Variants in SNRPB2 observed in about 807,000 individuals in gnomAD.
The protein encoded by SNRPB2 is U2 small nuclear ribonucleoprotein B''.
Under a neutral mutation model 26.3 loss-of-function variants are expected in SNRPB2, and 16 were observed. The observed-to-expected ratio is 0.61, with a 90% CI of 0.41 to 0.92. The LOEUF is 0.92. Ranked by LOEUF, SNRPB2 falls within the 40% of genes least tolerant of loss-of-function variation. The pLI, the probability that SNRPB2 is intolerant of heterozygous loss-of-function variation, is 0.00. For missense variants in SNRPB2, 179 were observed against 268.1 expected (o/e 0.67, Z 2.32); for synonymous variants, 75 against 89.0 (o/e 0.84, Z 0.88).
rs1384450618 is a variant in SNRPB2, at chr20:16,742,363, G to C, written c.*1358G>C. 2 of 152,160 alleles carry C rather than the reference G, an allele frequency of 1.3e-5. No individual in the cohort carries two copies. The highest frequency in any genetic ancestry group is 4.8e-5 in the African/African-American group (2 of 41,440). 9.4% of individuals were successfully genotyped at this position (152,160 alleles called of 1,614,324 possible). ...TGATCCCATGCCCAGTCCTGGCCAT[G>C]CTTTGAGTGGCTGTATTGGAGCAGA... On this transcript the variant is annotated 3_prime_UTR_variant, in exon 7 of 7. Coordinates refer to ENST00000246071, the MANE Select transcript of SNRPB2 (RefSeq NM_003092.5).
intron 3 of SNRPB2, 46 bp from the exon 4 acceptor site, chr20:16,737,215 C>T: frequency 1.3e-6 from 2 of 1,484,006 alleles, no homozygotes; most frequent in Admixed American, 2.3e-5. Flanking sequence ...CTAGTGTAAA[C>T]ATCCTTCAGC....
At chr20:16,736,149 C>G (rs1227431469) in intron 3 of SNRPB2, among the ~76,000 whole-genome samples, 2 of 152,158 alleles carry the variant, frequency 1.3e-5, no homozygotes, top group Non-Finnish European at 2.9e-5. Context: ...CGATGAAATA[C>G]TACTCGCTGT....
rs183264039 is a variant in SNRPB2, at chr20:16,740,699, C to T, written c.519-147C>T. 329 of 684,924 alleles carry T rather than the reference C, an allele frequency of 4.8e-4. 1 individual carries two copies. The highest frequency in any genetic ancestry group is 1.4e-4 in the East Asian group (5 of 36,514). The allele number at this position is 684,924 out of a possible 1,614,324, so 42.4% of individuals were successfully genotyped here. ...CAGTTCTTCCATGGTATTAATTACACATGAGGCTCTTCCGTCTACTCAGTA... is the reference window on the plus strand; with the variant it reads ...CAGTTCTTCCATGGTATTAATTACATATGAGGCTCTTCCGTCTACTCAGTA... On this transcript the variant is annotated intron_variant, in intron 6 of 6. Coordinates refer to ENST00000246071, the MANE Select transcript of SNRPB2 (RefSeq NM_003092.5).
chr20:16,740,566 G>A (rs929515275), intron 6 of SNRPB2, among the ~76,000 whole-genome samples, 153 bp downstream of exon 6: 26 of 152,136 alleles, frequency 1.7e-4, no homozygotes, highest in African/African-American at 5.6e-4. Context: ...CCAATTTGCC[G>A]ATTTAGCAAA....
rs768398131 is a variant in SNRPB2, at chr20:16,737,226, A to G, written c.238-35A>G. On this transcript the variant is annotated intron_variant, in intron 3 of 6. Transcript: ENST00000246071. ...ATGACTAGTGTAAACATCCTTCAGC[A>G]TGAGAAGTAACCTGTTTTCAAATAA... 12 of 1,535,150 alleles carry G rather than the reference A, an allele frequency of 7.8e-6. No individual in the cohort carries two copies. In the South Asian group the frequency reaches 8.8e-5, roughly 11 times the overall value.
intron 4 of SNRPB2, among the ~76,000 whole-genome samples, chr20:16,737,647 T>C (rs2072435262): frequency 6.6e-6 from 1 of 152,234 alleles, no homozygotes; most frequent in Non-Finnish European, 1.5e-5. Context: ...TCGATCATTG[T>C]TTAAAATATG....
chr20:16,739,993 A>G (rs2072452901), intron 5 of SNRPB2, among the ~76,000 whole-genome samples: 3 of 151,282 alleles, frequency 2.0e-5, no homozygotes, highest in South Asian at 4.2e-4. Flanking sequence ...GTAACCAGCT[A>G]CGGAGGGGTG....
At position 16,740,434 on chromosome 20, in the gene SNRPB2, G is replaced by A. The variant is rs766031887; in HGVS notation, c.518+21G>A. On this transcript the variant is annotated intron_variant, in intron 6 of 6. Coordinates refer to ENST00000246071, the MANE Select transcript of SNRPB2 (RefSeq NM_003092.5). ...AATCAGTAAGTTTTTTCATAAATAA[G>A]TCTGTTTCTGAGAGCTTCCTCACAG... The A allele has an allele frequency of 1.6e-5, 25 of 1,608,298 alleles. 1 individual carries two copies. In the South Asian group the frequency reaches 2.6e-4, roughly 17 times the overall value.
At position 16,740,592 on chromosome 20, in the gene SNRPB2, C is replaced by T. The variant is rs1007161379; in HGVS notation, c.518+179C>T. On this transcript the variant is annotated intron_variant, in intron 6 of 6. Transcript: ENST00000246071. ...ATTTAGCAAATACAAAGCTAAATTT[C>T]CTCTAATGTTTGAATTCTTAACTCT... 2.6e-5 allele frequency among the ~76,000 whole-genome samples: 4 copies of T among 152,128 alleles called. No homozygotes were observed. The South Asian group carries it at 8.3e-4, about 31-fold the overall frequency.
intron 2 of SNRPB2, 128 bp from the exon 3 acceptor site, chr20:16,732,032 TTATA>T: frequency 1.6e-6 from 1 of 635,180 alleles, no homozygotes; most frequent in Non-Finnish European, 2.6e-6. Flanking sequence ...GTATATGTTT[TTATA>T]AATATTAAAA....
In SNRPB2 at chr20:16,739,666, C is replaced by G. The variant is rs540086209; in HGVS notation, c.430-659C>G. Among the ~76,000 whole-genome samples the G allele has an allele frequency of 1.5e-3, 231 of 152,220 alleles. 1 individual carries two copies. Among genetic ancestry groups the G allele is most frequent in the African/African-American group, 5.3e-3 (222 of 41,550 alleles). On this transcript the variant is annotated intron_variant, in intron 5 of 6. Coordinates refer to ENST00000246071, the MANE Select transcript of SNRPB2 (RefSeq NM_003092.5). ...TCACTAATTATTTTTTATACTTGCT[C>G]TTTTCTCTTTTATGACAGTAGCAGG...
rs2072392236 is a variant in SNRPB2 at position 16,731,722 on chromosome 20, A to G, written c.20A>G (p.His7Arg). Residue 7 changes from histidine to arginine, a missense_variant, in exon 2 of 7, where the codon CAT (histidine) becomes CGT (arginine). Transcript: ENST00000246071. MDIRPNHTIYINNMNDK... is the reference protein window; with the variant it reads MDIRPNRTIYINNMNDK... Reference sequence around the variant, plus strand: ...ACAAACATGGATATCAGACCAAATCATACAATTTATATCAACAATATGAAT... The same window carrying G: ...ACAAACATGGATATCAGACCAAATCGTACAATTTATATCAACAATATGAAT... The G allele has an allele frequency of 6.2e-7, 1 of 1,612,394 alleles. No individual in the cohort carries two copies. The highest frequency in any genetic ancestry group is 1.1e-5 in the South Asian group (1 of 90,952).
At chr20:16,735,016 T>C (rs1046612621) in intron 3 of SNRPB2, among the ~76,000 whole-genome samples, 2 of 152,172 alleles carry the variant, frequency 1.3e-5, no homozygotes, top group African/African-American at 4.8e-5. Flanking sequence ...CAGAGTTGCA[T>C]GCAGGGATAA....
intron 2 of SNRPB2, 88 bp from the exon 3 acceptor site, chr20:16,732,076 G>GT: frequency 1.3e-6 from 1 of 770,778 alleles, no homozygotes; most frequent in Non-Finnish European, 2.2e-6. Flanking sequence ...GTGAATGGTG[G>GT]GGGGGGCAAC....
At chr20:16,731,967 CATAGAT>C (rs1470238754) in intron 2 of SNRPB2, among the ~76,000 whole-genome samples, 191 bp from the exon 3 acceptor site, 1 of 151,996 alleles carries the variant, frequency 6.6e-6, no homozygotes, top group East Asian at 1.9e-4. Flanking sequence ...TGTTTCTACT[CATAGAT>C]ATAATGGTTT....
intron 4 of SNRPB2, among the ~76,000 whole-genome samples, chr20:16,738,008 C>T (rs575490988): frequency 1.3e-3 from 178 of 141,628 alleles, no homozygotes; most frequent in Admixed American, 2.8e-3. Context: ...CACTGAACTC[C>T]AGCCTGGGCA....
At chr20:16,731,541 T>G in intron 1 of SNRPB2, 127 bp from the exon 2 acceptor site, 1 of 908,630 alleles carries the variant, frequency 1.1e-6, no homozygotes, top group Admixed American at 3.0e-5. Flanking sequence ...GGAGATACAA[T>G]AAAGGCTACA....
At chr20:16,739,955 A>G (rs947228616) in intron 5 of SNRPB2, among the ~76,000 whole-genome samples, 9 of 150,980 alleles carry the variant, frequency 6.0e-5, no homozygotes, top group African/African-American at 2.2e-4. Flanking sequence ...GTACAGAGGA[A>G]TTGAGTATCT....
intron 3 of SNRPB2, chr20:16,732,555 A>C (rs2072399897): frequency 1.4e-5 from 5 of 356,210 alleles, no homozygotes; most frequent in Non-Finnish European, 5.0e-6. Context: ...AATATTTTAA[A>C]AAATAATGGC....
Sources: gnomAD v4.1 joint callset for allele counts (sites outside exome capture counted in the v4.1 genomes callset) on GRCh38, gnomAD v4.1.1 for gene constraint, MANE v1.5 for transcripts, NCBI Gene and HGNC (gene_info 2026-07-23, HGNC 2026-07-21) for gene names.